Variants in TMEM17 observed in about 807,000 individuals in gnomAD.
TMEM17 encodes the protein transmembrane protein 17.
In TMEM17, 15 loss-of-function variants were observed where a neutral mutation model predicts 19.1. The ratio of observed to expected loss-of-function variants is 0.78; its 90% CI spans 0.52 to 1.21. TMEM17 has a LOEUF of 1.21. TMEM17 is among the 50% of genes most tolerant of loss of function. TMEM17 has a pLI of 0.00. For synonymous variants in TMEM17, 103 were observed against 86.9 expected (o/e 1.19, Z -1.03); for missense variants, 245 against 242.3 (o/e 1.01, Z -0.07).
At chr2:62,505,155 C>A (rs1013013567) in intron 1 of TMEM17, among the ~76,000 whole-genome samples, 2 of 152,120 alleles carry the variant, frequency 1.3e-5, no homozygotes, top group East Asian at 3.9e-4. Context: ...TTTAAAAATT[C>A]TCTAAAACCA....
At chr2:62,478,684 T>C in the TMEM17 span, among the ~76,000 whole-genome samples, 1 of 152,242 alleles carries the variant, frequency 6.6e-6, no homozygotes, top group Non-Finnish European at 1.5e-5. Flanking sequence ...GCTGGTCCCA[T>C]TTATTTCATG....
chr2:62,470,944 A>G, the TMEM17 span, among the ~76,000 whole-genome samples: 1 of 152,228 alleles, frequency 6.6e-6, no homozygotes, highest in Non-Finnish European at 1.5e-5. Flanking sequence ...GCCTGTTTGC[A>G]AACAGTGAGA....
At chr2:62,476,963 G>A in the TMEM17 span, among the ~76,000 whole-genome samples, 1 of 152,098 alleles carries the variant, frequency 6.6e-6, no homozygotes, top group South Asian at 2.1e-4. Context: ...GTGTGCAGGT[G>A]GTTTATTTGG....
rs770488178 is a variant in TMEM17 at position 62,506,049 on chromosome 2, T to C, written c.81A>G (p.Pro27=). 6.2e-7 allele frequency: 1 copy of C among 1,610,956 alleles called. No homozygotes were observed. ...AVFSDSNRTG[P]ESNEGPENEM... is the part of the protein sequence containing the mutation. The stretch of plus-strand genomic sequence containing the variant: ...ACTCACCCGGACCCTCATTGGACTC[T>C]GGACCGGTCCGATTGGAATCACTGA... The change falls in exon 1 of 4, where the codon CCA becomes CCG. Residue 27 remains proline (P), a synonymous_variant. Transcript: ENST00000335390.
chr2:62,501,615 G>A, intron 3 of TMEM17, 128 bp from the exon 4 acceptor site: 1 of 909,466 alleles, frequency 1.1e-6, no homozygotes, highest in Non-Finnish European at 1.6e-6. Flanking sequence ...AAAGGAGGAT[G>A]ACATGGTCCT....
the TMEM17 span, among the ~76,000 whole-genome samples, chr2:62,453,714 T>G: frequency 1.3e-5 from 2 of 152,238 alleles, no homozygotes; most frequent in African/African-American, 2.4e-5. Flanking sequence ...GTGGGGCTAT[T>G]CCCATTCCTC....
chr2:62,456,008 T>A, the TMEM17 span, among the ~76,000 whole-genome samples: 2 of 152,236 alleles, frequency 1.3e-5, no homozygotes. Context: ...ATATCTTTGA[T>A]AAAATGTCTA....
chr2:62,469,531 C>A, the TMEM17 span, among the ~76,000 whole-genome samples: 1 of 152,190 alleles, frequency 6.6e-6, no homozygotes. Context: ...GATTTCTTCT[C>A]CTCACTTTCA....
chr2:62,459,655 A>G, the TMEM17 span, among the ~76,000 whole-genome samples: 1 of 152,414 alleles, frequency 6.6e-6, no homozygotes, highest in South Asian at 2.1e-4. Context: ...TGTAGTCTGC[A>G]TAAGCTCCTA....
the TMEM17 span, among the ~76,000 whole-genome samples, chr2:62,490,340 C>T: frequency 2.4e-4 from 36 of 152,076 alleles, no homozygotes; most frequent in African/African-American, 5.5e-4. Context: ...CCTGGCTGAC[C>T]GCAGCCTCAA....
chr2:62,471,886 C>A, the TMEM17 span, among the ~76,000 whole-genome samples: 1 of 152,238 alleles, frequency 6.6e-6, no homozygotes, highest in East Asian at 1.9e-4. Flanking sequence ...CTATAGTCGT[C>A]TATGGTGTTT....
chr2:62,501,665 T>C (rs1679933338), intron 3 of TMEM17, 178 bp from the exon 4 acceptor site: 1 of 614,988 alleles, frequency 1.6e-6, no homozygotes, highest in East Asian at 2.8e-5. Flanking sequence ...GAAAACTAAT[T>C]CATGTAAAAC....
At chr2:62,498,532 C>T (rs1183095455), downstream of TMEM17, among the ~76,000 whole-genome samples, 7 of 149,866 alleles carry the variant, frequency 4.7e-5, no homozygotes, top group East Asian at 1.9e-4. Flanking sequence ...CCGGCTAAAA[C>T]GGTGAAACCC....
chr2:62,477,875 C>T, the TMEM17 span, among the ~76,000 whole-genome samples: 1 of 152,194 alleles, frequency 6.6e-6, no homozygotes, highest in Non-Finnish European at 1.5e-5. Context: ...CCTTGAGGGG[C>T]CGCCTGACCT....
At chr2:62,473,623 A>T in the TMEM17 span, among the ~76,000 whole-genome samples, 1 of 151,798 alleles carries the variant, frequency 6.6e-6, no homozygotes, top group Non-Finnish European at 1.5e-5. Context: ...TGCTGATGAA[A>T]TATCTCATCT....
At chr2:62,466,552 T>C in the TMEM17 span, among the ~76,000 whole-genome samples, 2 of 152,236 alleles carry the variant, frequency 1.3e-5, no homozygotes, top group South Asian at 4.1e-4. Flanking sequence ...AAGCTCACCA[T>C]ATGGGGGAGA....
At chr2:62,485,024 G>A in the TMEM17 span, among the ~76,000 whole-genome samples, 210 of 152,262 alleles carry the variant, frequency 1.4e-3, no homozygotes, top group African/African-American at 4.6e-3. Flanking sequence ...TGCAACCTCC[G>A]CCTCCCAGGC....
the TMEM17 span, among the ~76,000 whole-genome samples, chr2:62,457,545 G>A: frequency 1.3e-5 from 2 of 151,138 alleles, no homozygotes; most frequent in Non-Finnish European, 3.0e-5. This position sits in a 1 kb window ranked among gnomAD's most constrained non-coding sequence, Gnocchi z 4.2. Context: ...TCTAGATTTG[G>A]AATGAGCTTC....
the TMEM17 span, among the ~76,000 whole-genome samples, chr2:62,489,762 C>G: frequency 6.6e-6 from 1 of 151,866 alleles, no homozygotes; most frequent in Non-Finnish European, 1.5e-5. Context: ...CACTTGTGCC[C>G]CAATTTGAAC....
Sources: gnomAD v4.1 joint callset for allele counts (sites outside exome capture counted in the v4.1 genomes callset) on GRCh38, gnomAD v4.1.1 for gene constraint, Gnocchi (gnomAD v3.1) non-coding constraint, MANE v1.5 for transcripts, NCBI Gene and HGNC (gene_info 2026-07-23, HGNC 2026-07-21) for gene names.